Variants in KIF22 observed in about 807,000 individuals in gnomAD.
KIF22 encodes the protein kinesin family member 22.
A neutral mutation model predicts 73.0 loss-of-function variants in KIF22; 62 were observed. The observed-to-expected ratio is 0.85, with a 90% CI of 0.69 to 1.05. The LOEUF is 1.05. Ranked by LOEUF, KIF22 falls within the 50% of genes least tolerant of loss-of-function variation. KIF22 has a pLI of 0.00. For synonymous variants in KIF22, 411 were observed against 340.1 expected, an observed-to-expected ratio of 1.21 and a Z score of -2.29; for missense variants, 854 against 870.1, an observed-to-expected ratio of 0.98 and a Z score of 0.23.
In KIF22 at chr16:29,800,064, T is replaced by C; in HGVS notation, c.1280+16T>C. 6.2e-7 allele frequency: 1 copy of C among 1,603,808 alleles called. No homozygotes were observed. Among genetic ancestry groups the C allele is most frequent in the Non-Finnish European group, 8.5e-7 (1 of 1,178,084 alleles). ...AGAAACTCAGGTGAGCAGTGGGGCC[T>C]TGGGTGTATCCCCTTCCTGATGTAT... On this transcript the variant is annotated intron_variant, in intron 8 of 13. Coordinates refer to ENST00000160827, the MANE Select transcript of KIF22 (RefSeq NM_007317.3).
chr16:29,791,043 G>A, intron 1 of KIF22: 7 of 1,415,608 alleles, frequency 4.9e-6, no homozygotes, highest in African/African-American at 1.5e-5. Flanking sequence ...CCTTGGGTCA[G>A]TAGACTCGGG....
Position 29,803,036 on chromosome 16 carries a change from CCA to C in KIF22, c.1449+100_1449+101del, listed in dbSNP as rs1053808625. 8 of 1,196,528 alleles carry C rather than the reference CCA, an allele frequency of 6.7e-6. No individual in the cohort carries two copies. In the African/African-American group the frequency reaches 1.2e-4, roughly 18 times the overall value. The allele number at this position is 1,196,528 out of a possible 1,614,324, so 74.1% of individuals were successfully genotyped here. On this transcript the variant is annotated intron_variant, in intron 9 of 13. Coordinates refer to ENST00000160827, the MANE Select transcript of KIF22 (RefSeq NM_007317.3). Reference sequence around the variant, plus strand: ...AAGGACACTCAGGCTGGACTAGAGTCCAGTTTTCTCCCAATACCGGAAGTTCT... The same window carrying C: ...AAGGACACTCAGGCTGGACTAGAGTCGTTTTCTCCCAATACCGGAAGTTCT...
intron 1 of KIF22, chr16:29,791,289 A>G (rs2142363010): frequency 1.0e-6 from 1 of 986,910 alleles, no homozygotes; most frequent in East Asian, 1.1e-4. Flanking sequence ...GAGAGATGCA[A>G]GAGGACGGGC....
At chr16:29,802,141 C>A (rs1049464194) in intron 8 of KIF22, among the ~76,000 whole-genome samples, 6 of 151,788 alleles carry the variant, frequency 4.0e-5, no homozygotes, top group Non-Finnish European at 8.8e-5. Flanking sequence ...GTGGCATGCA[C>A]CTGTGGACCC....
intron 11 of KIF22, 115 bp downstream of exon 11, chr16:29,804,180 T>C (rs559417067): frequency 1.2e-6 from 1 of 812,866 alleles, no homozygotes; most frequent in African/African-American, 1.7e-5. Context: ...GGCCGCCAGC[T>C]ACTAACAGAC....
At chr16:29,796,821 C>G (rs1451528979) in intron 1 of KIF22, 72 bp from the exon 2 acceptor site, 1 of 1,457,482 alleles carries the variant, frequency 6.9e-7, no homozygotes, top group Non-Finnish European at 9.5e-7. Flanking sequence ...CCCAGCCCGC[C>G]CAGCAAAGTT....
chr16:29,799,002 G>A lies in KIF22; in HGVS notation c.577G>A (p.Gly193Arg), dbSNP rs1344958163. 6.2e-7 allele frequency: 1 copy of A among 1,614,164 alleles called. No homozygotes were observed. The change falls in exon 5 of 14, where the codon GGA becomes AGA. Residue 193 changes from glycine to arginine, a missense_variant. By Grantham distance (125) the Gly-to-Arg change is moderately radical. Around this residue, in one of 3 missense-constraint regions of KIF22, gnomAD observed 245 missense variants for 351.8 expected, o/e 0.70. Transcript: ENST00000160827. ...ATTAGACCTCCTGGACCCTGCTTCG[G>A]GAGACCTGGTAATCCGAGAAGACTG... ...KVLDLLDPAS[G>R]DLVIREDCRG...
In KIF22 at chr16:29,797,177, TC is replaced by T. The variant is rs1898975076; in HGVS notation, c.266+92del. On this transcript the variant is annotated intron_variant, in intron 2 of 13. Transcript: ENST00000160827. This position sits in a 1 kb window ranked among gnomAD's most constrained non-coding sequence, Gnocchi z 4.1. Reference sequence around the variant, plus strand: ...TCCCCTGCCTCCCCAGGATCCTTGCTCCCTCCTTAGCACCGCTTTGTTCCCT... The same window carrying T: ...TCCCCTGCCTCCCCAGGATCCTTGCTCCTCCTTAGCACCGCTTTGTTCCCT... 5.0e-6 allele frequency: 5 copies of T among 990,378 alleles called. No homozygotes were observed. In the Admixed American group the frequency reaches 1.2e-4, roughly 25 times the overall value. The allele number at this position is 990,378 out of a possible 1,614,324, so 61.3% of individuals were successfully genotyped here.
intron 8 of KIF22, among the ~76,000 whole-genome samples, chr16:29,801,257 T>C (rs1317534945): frequency 1.3e-5 from 2 of 152,192 alleles, no homozygotes; most frequent in African/African-American, 2.4e-5. Context: ...GGGTCTTGCT[T>C]TCTGTGTCTG....
At chr16:29,805,076 C>T (rs367811051) in intron 12 of KIF22, 39 bp from the exon 13 acceptor site, 20 of 1,612,640 alleles carry the variant, frequency 1.2e-5, no homozygotes, top group Non-Finnish European at 1.6e-5. Context: ...AGACCGGGTA[C>T]CCCCGAGACC....
In KIF22 at chr16:29,805,043, C is replaced by CG; in HGVS notation, c.1890+17_1890+18insG. Reference sequence around the variant, plus strand: ...TTCAGCCAGGTAGCAGCCCACTGGACTGGGGGAGGGCGGGGGCGGGGGAGA... The same window carrying CG: ...TTCAGCCAGGTAGCAGCCCACTGGACGTGGGGGAGGGCGGGGGCGGGGGAGA... On this transcript the variant is annotated intron_variant, in intron 12 of 13. Coordinates refer to ENST00000160827, the MANE Select transcript of KIF22 (RefSeq NM_007317.3). 1.3e-6 allele frequency: 1 copy of CG among 784,374 alleles called. No individual in the cohort carries two copies. Among genetic ancestry groups the CG allele is most frequent in the Non-Finnish European group, 2.1e-6 (1 of 486,498 alleles). 48.6% of individuals were successfully genotyped at this position (784,374 alleles called of 1,614,324 possible).
At chr16:29,804,111 A>AG (rs1596856780) in intron 11 of KIF22, 46 bp downstream of exon 11, 1 of 1,475,742 alleles carries the variant, frequency 6.8e-7, no homozygotes, top group African/African-American at 1.4e-5. Context: ...CCCAGAAGTA[A>AG]GGGGGAGTAG....
intron 9 of KIF22, 125 bp downstream of exon 9, chr16:29,803,062 C>T (rs1034482563): frequency 3.3e-6 from 3 of 920,388 alleles, no homozygotes; most frequent in South Asian, 3.1e-5. Context: ...ACCGGAAGTT[C>T]TCCAGCTTCT....
intron 1 of KIF22, among the ~76,000 whole-genome samples, chr16:29,795,688 C>A (rs1482811231): frequency 1.3e-5 from 2 of 152,026 alleles, no homozygotes; most frequent in Non-Finnish European, 2.9e-5. Context: ...CTCATTTAAC[C>A]CCCACAAAAA....
intron 9 of KIF22, 93 bp downstream of exon 9, chr16:29,803,030 T>A (rs899921274): frequency 2.3e-6 from 3 of 1,294,710 alleles, no homozygotes; most frequent in African/African-American, 3.0e-5. Flanking sequence ...CAGGCTGGAC[T>A]AGAGTCCAGT....
chr16:29,791,472 G>T, intron 1 of KIF22: 1 of 154,072 alleles, frequency 6.5e-6, no homozygotes, highest in Non-Finnish European at 1.4e-5. Context: ...GTGAGTATTT[G>T]TTTACATGTG....
At chr16:29,794,786 C>G (rs2450398) in intron 1 of KIF22, among the ~76,000 whole-genome samples, 151,160 of 152,204 alleles carry the variant, frequency 0.99, 75,075 homozygotes, top group Middle Eastern at 1. Flanking sequence ...TTCACCACCA[C>G]GCTGGTCTCG....
chr16:29,803,263 G>A lies in KIF22; in HGVS notation c.1450-186G>A, dbSNP rs561534905. 312 of 673,802 alleles carry A rather than the reference G, an allele frequency of 4.6e-4. 4 individuals are homozygous for A. The South Asian group carries it at 6.1e-3, about 13-fold the overall frequency. 41.7% of individuals were successfully genotyped at this position (673,802 alleles called of 1,614,324 possible). On this transcript the variant is annotated intron_variant, in intron 9 of 13. Transcript: ENST00000160827. ...TTTGCAGAGGCTTGTTCCACCTCTG[G>A]GTAGCCCCCTAATCACAGAAAGCCC...
At chr16:29,799,829 G>A (rs1899073282) in intron 7 of KIF22, 48 bp downstream of exon 7, 2 of 1,612,844 alleles carry the variant, frequency 1.2e-6, no homozygotes, top group Non-Finnish European at 1.7e-6. Flanking sequence ...CTGGAAATTA[G>A]GGAGTTTGTT....
Sources: allele counts gnomAD v4.1 joint callset (sites outside exome capture counted in the v4.1 genomes callset), GRCh38; gene constraint gnomAD v4.1.1; regional missense constraint gnomAD v4.1.1; non-coding constraint Gnocchi (gnomAD v3.1); transcripts MANE v1.5; gene names NCBI Gene and HGNC (gene_info 2026-07-23, HGNC 2026-07-21).